ZFAND3: variants seen among roughly 807,000 people sequenced by gnomAD.
ZFAND3 encodes zinc finger AN1-type containing 3, also known as AN1-type zinc finger protein 3.
In ZFAND3, 10 loss-of-function variants were observed where a neutral mutation model predicts 29.6. The observed-to-expected ratio is 0.34, with a 90% CI of 0.21 to 0.57. The LOEUF (loss-of-function observed/expected upper bound fraction) is 0.57. Ranked by LOEUF, ZFAND3 falls within the 20% of genes least tolerant of loss-of-function variation. The pLI is 0.86. For missense variants in ZFAND3, 230 were observed against 304.5 expected (o/e 0.76, Z 1.82); for synonymous variants, 128 against 112.6 (o/e 1.14, Z -0.87).
intron 2 of ZFAND3, among the ~76,000 whole-genome samples, chr6:38,049,544 G>C (rs749719815): frequency 6.6e-6 from 1 of 152,212 alleles, no homozygotes; most frequent in African/African-American, 2.4e-5. Flanking sequence ...GGTTAGTTGT[G>C]CATGAGCTTT....
At position 38,118,665 on chromosome 6, in the gene ZFAND3, A is replaced by G. The variant is rs149833185; in HGVS notation, c.529+1926A>G. 1.4e-4 allele frequency among the ~76,000 whole-genome samples: 21 copies of G among 150,514 alleles called. No homozygotes were observed. In the East Asian group the frequency reaches 3.3e-3, roughly 24 times the overall value. ...CAAACAGGAGATTTCACAATTTAGC[A>G]CTGAGATCTAAAGATGTAACCAGGT... is the stretch of plus-strand genomic sequence containing the variant. On this transcript the variant is annotated intron_variant, in intron 5 of 5. Transcript: ENST00000287218.
At chr6:37,999,406 G>A (rs1762906219) in intron 2 of ZFAND3, among the ~76,000 whole-genome samples, 1 of 152,202 alleles carries the variant, frequency 6.6e-6, no homozygotes. Flanking sequence ...TGTTCCTTAA[G>A]TGTGGGCTGT....
intron 2 of ZFAND3, among the ~76,000 whole-genome samples, chr6:38,037,687 C>G (rs1285021051): frequency 6.6e-6 from 1 of 152,168 alleles, no homozygotes; most frequent in Non-Finnish European, 1.5e-5. Context: ...GGGTGCACAT[C>G]CACGACTAAC....
At chr6:37,991,839 C>T (rs1330222728) in intron 2 of ZFAND3, among the ~76,000 whole-genome samples, 1 of 152,034 alleles carries the variant, frequency 6.6e-6, no homozygotes, top group Non-Finnish European at 1.5e-5. Flanking sequence ...AATCTTTTAG[C>T]TTTTATATTA....
intron 5 of ZFAND3, among the ~76,000 whole-genome samples, chr6:38,134,398 G>A (rs1018583484): frequency 1.3e-5 from 2 of 152,076 alleles, no homozygotes; most frequent in African/African-American, 4.8e-5. Context: ...TTTGCTCTTT[G>A]TGACCTTCAG....
chr6:38,128,990 CTA>C (rs1765690188), intron 5 of ZFAND3, among the ~76,000 whole-genome samples: 1 of 152,146 alleles, frequency 6.6e-6, no homozygotes, highest in Non-Finnish European at 1.5e-5. Context: ...ACAGCAACAT[CTA>C]TTATGTTTTG....
At chr6:37,971,331 A>C (rs1316356971) in intron 2 of ZFAND3, among the ~76,000 whole-genome samples, 2 of 152,148 alleles carry the variant, frequency 1.3e-5, no homozygotes, top group Non-Finnish European at 2.9e-5. Context: ...TTGCAGGCGA[A>C]TGAGTCCTAG....
chr6:38,047,325 A>AAAG (rs540223339), intron 2 of ZFAND3, among the ~76,000 whole-genome samples: 10,321 of 151,694 alleles, frequency 0.068, 421 homozygotes, highest in Non-Finnish European at 0.087. Flanking sequence ...AAAAAAAAAA[A>AAAG]AAAGAAAAGA....
At chr6:37,925,294 A>G (rs1761462658) in intron 1 of ZFAND3, among the ~76,000 whole-genome samples, 1 of 152,222 alleles carries the variant, frequency 6.6e-6, no homozygotes, top group Non-Finnish European at 1.5e-5. Flanking sequence ...AATGGTGGCC[A>G]TCATAGAAGC....
chr6:38,100,210 C>T (rs1255164731), intron 4 of ZFAND3, among the ~76,000 whole-genome samples: 2 of 152,090 alleles, frequency 1.3e-5, no homozygotes, highest in African/African-American at 4.8e-5. Context: ...ACTACAAGCA[C>T]ACACCACCAC....
chr6:37,892,004 C>G (rs1765114429), intron 1 of ZFAND3, among the ~76,000 whole-genome samples: 1 of 152,296 alleles, frequency 6.6e-6, no homozygotes, highest in South Asian at 2.1e-4. Context: ...GCTGAGATTA[C>G]AGGCGTGAGC....
intron 2 of ZFAND3, among the ~76,000 whole-genome samples, chr6:37,961,080 T>C (rs1163630188): frequency 6.6e-6 from 1 of 152,114 alleles, no homozygotes; most frequent in Non-Finnish European, 1.5e-5. Flanking sequence ...TTTCAAAAAA[T>C]AGTAAATAAT....
intron 2 of ZFAND3, among the ~76,000 whole-genome samples, chr6:38,028,325 T>C (rs897110112): frequency 3.3e-5 from 5 of 152,220 alleles, no homozygotes; most frequent in Admixed American, 2.0e-4. Context: ...AGGACCTATA[T>C]GTTAGTGTAG....
chr6:37,922,861 A>G (rs1271781969), intron 1 of ZFAND3, among the ~76,000 whole-genome samples: 2 of 152,368 alleles, frequency 1.3e-5, no homozygotes, highest in African/African-American at 2.4e-5. Flanking sequence ...TCAGTGAATG[A>G]GTAGTGAGTG....
intron 5 of ZFAND3, among the ~76,000 whole-genome samples, chr6:38,144,204 TATATATAATATATAATATATATATA>T (rs1562015983): frequency 3.0e-4 from 14 of 47,052 alleles, no homozygotes; most frequent in African/African-American, 1.8e-3. Context: ...TATATATATA[TATATATAATATATAATATATATATA>T]TATTTTTTTT....
chr6:38,076,070 A>G (rs1439801509), intron 3 of ZFAND3, among the ~76,000 whole-genome samples: 2 of 152,084 alleles, frequency 1.3e-5, no homozygotes, highest in African/African-American at 4.8e-5. Context: ...TTTTTTTAAG[A>G]AATTGCTGCA....
At chr6:38,058,668 A>G (rs900752754) in intron 2 of ZFAND3, among the ~76,000 whole-genome samples, 4 of 152,198 alleles carry the variant, frequency 2.6e-5, no homozygotes, top group African/African-American at 9.6e-5. Flanking sequence ...CTTGGTGATC[A>G]CAGTGCCACA....
At chr6:37,856,446 CAT>C (rs1764384565) in intron 1 of ZFAND3, among the ~76,000 whole-genome samples, 1 of 152,192 alleles carries the variant, frequency 6.6e-6, no homozygotes, top group African/African-American at 2.4e-5. Flanking sequence ...CAGTATTCAG[CAT>C]ATATAGCTTT....
intron 1 of ZFAND3, among the ~76,000 whole-genome samples, chr6:37,840,760 G>T (rs1046189048): frequency 6.6e-6 from 1 of 152,158 alleles, no homozygotes; most frequent in Non-Finnish European, 1.5e-5. Flanking sequence ...ACAACATTTT[G>T]TAGTTTTCAC....
Sources: gnomAD v4.1 joint callset for allele counts (sites outside exome capture counted in the v4.1 genomes callset) on GRCh38, gnomAD v4.1.1 for gene constraint, MANE v1.5 for transcripts, NCBI Gene and HGNC (gene_info 2026-07-23, HGNC 2026-07-21) for gene names.